SIN3A: variants seen among roughly 807,000 people sequenced by gnomAD.
SIN3A encodes SIN3 transcription regulator family member A.
SIN3A carries 14 observed loss-of-function variants against 146.1 expected under a neutral mutation model. The ratio of observed to expected loss-of-function variants is 0.10; its 90% CI spans 0.06 to 0.15. The LOEUF (loss-of-function observed/expected upper bound fraction) is 0.15, where lower values mean the gene tolerates loss of function less well. SIN3A is among the 10% of genes least tolerant of loss of function. The pLI is 1.00. For synonymous variants in SIN3A, 572 were observed against 572.0 expected (o/e 1.00, Z 0.00); for missense variants, 1,028 against 1,576.0 (o/e 0.65, Z 5.89).
At chr15:75,452,302 T>C (rs1345927846), upstream of SIN3A, among the ~76,000 whole-genome samples, 5 of 152,202 alleles carry the variant, frequency 3.3e-5, no homozygotes, top group African/African-American at 1.2e-4. Context: ...GCAGTCCTTT[T>C]GTGGAATGTT....
At chr15:75,420,089 T>A (rs1161217675) in intron 3 of SIN3A, 1 of 152,214 alleles carries the variant, frequency 6.6e-6, no homozygotes, top group Non-Finnish European at 1.5e-5. Flanking sequence ...CCTTAGACTC[T>A]GCTGATAAAG....
chr15:75,383,471 T>TG (rs1006433928), intron 17 of SIN3A, among the ~76,000 whole-genome samples: 6 of 151,802 alleles, frequency 4.0e-5, no homozygotes, highest in African/African-American at 1.5e-4. Flanking sequence ...TCACCCAGGC[T>TG]GGGGTGCAGT....
chr15:75,407,179 C>T (rs757823640), intron 8 of SIN3A, 35 bp from the exon 9 acceptor site: 18 of 1,415,250 alleles, frequency 1.3e-5, no homozygotes, highest in Admixed American at 5.3e-5. Context: ...TGAGATTCAA[C>T]GAGTGGTTTT....
intron 19 of SIN3A, among the ~76,000 whole-genome samples, chr15:75,376,792 G>A (rs923108229): frequency 5.3e-5 from 8 of 150,588 alleles, no homozygotes; most frequent in Non-Finnish European, 2.9e-5. Context: ...CCCAGAAGGC[G>A]GAGGTTGCAG....
intron 2 of SIN3A, among the ~76,000 whole-genome samples, chr15:75,429,738 A>G (rs1317165143): frequency 6.6e-6 from 1 of 152,210 alleles, no homozygotes; most frequent in African/African-American, 2.4e-5. Context: ...TTGACAAATA[A>G]ATTGAGTATA....
At chr15:75,450,553 C>T (rs7162587) in intron 1 of SIN3A, among the ~76,000 whole-genome samples, 3,007 of 152,334 alleles carry the variant, frequency 0.02, 178 homozygotes, top group Admixed American at 0.11. Context: ...TTGGGCACTT[C>T]GCCCCAATAG....
At chr15:75,383,289 A>G (rs1381664719) in intron 17 of SIN3A, among the ~76,000 whole-genome samples, 1 of 151,600 alleles carries the variant, frequency 6.6e-6, no homozygotes, top group Non-Finnish European at 1.5e-5. Context: ...AAAAAAAAAA[A>G]GTTAAAGACC....
In SIN3A at chr15:75,392,671, C is replaced by T; in HGVS notation, c.2422G>A (p.Asp808Asn). ...VKRQTGIQKE[D>N]KYKIKQIMHH... is the part of the protein sequence containing the mutation. ...ATGATTTGTTTTATCTTATATTTGT[C>T]CTCCTTCTGAATGCCTGTCTGCCTC... Residue 808 changes from aspartate (D) to asparagine (N), a missense_variant, in exon 15 of 21, where the codon GAC (aspartate) becomes AAC (asparagine). Physicochemically the swap from Asp to Asn is conservative, Grantham distance 23 (BLOSUM62 1). Transcript: ENST00000394947. 6.2e-7 allele frequency: 1 copy of T among 1,614,182 alleles called. No individual in the cohort carries two copies.
At chr15:75,386,783 G>C (rs1333460984) in intron 16 of SIN3A, among the ~76,000 whole-genome samples, 1 of 152,174 alleles carries the variant, frequency 6.6e-6, no homozygotes, top group Non-Finnish European at 1.5e-5. Context: ...GTTGCCTATT[G>C]TATTCTTAAT....
chr15:75,425,174 T>C (rs1304223990), intron 2 of SIN3A, among the ~76,000 whole-genome samples: 1 of 152,238 alleles, frequency 6.6e-6, no homozygotes, highest in Non-Finnish European at 1.5e-5. Context: ...ACTCTTACTT[T>C]GTTTCTTTTT....
upstream of SIN3A, chr15:75,453,957 G>A (rs1346738787): frequency 6.6e-6 from 1 of 152,288 alleles, no homozygotes; most frequent in African/African-American, 2.4e-5. Flanking sequence ...GGACTTCCGG[G>A]CGGGAGGGCA....
At chr15:75,401,298 C>A (rs1450490973) in intron 10 of SIN3A, among the ~76,000 whole-genome samples, 1 of 152,060 alleles carries the variant, frequency 6.6e-6, no homozygotes, top group Non-Finnish European at 1.5e-5. Context: ...GAGGCCGAGG[C>A]AGGTGGATTA....
intron 13 of SIN3A, 106 bp from the exon 14 acceptor site, chr15:75,394,969 T>C (rs188883137): frequency 4.8e-6 from 5 of 1,041,476 alleles, no homozygotes; most frequent in Admixed American, 2.5e-5. Flanking sequence ...AAAGCTATAT[T>C]AGGTCTCTCA....
Position 75,392,832 on chromosome 15 carries a change from A to G in SIN3A, c.2278-17T>C, listed in dbSNP as rs1418601386. The G allele has an allele frequency of 6.4e-7, 1 of 1,560,188 alleles. No individual in the cohort carries two copies. Among genetic ancestry groups the G allele is most frequent in the Non-Finnish European group, 8.7e-7 (1 of 1,143,064 alleles). On this transcript the variant is annotated splice_polypyrimidine_tract_variant and intron_variant, in intron 14 of 20. Transcript: ENST00000394947. ...CTCTTGCCTCTGATGGGACAGAGACACAAAAGTATTCTGTGAGATGTCTAC... is the reference window on the plus strand; with the variant it reads ...CTCTTGCCTCTGATGGGACAGAGACGCAAAAGTATTCTGTGAGATGTCTAC...
chr15:75,451,069 G>A (rs1179366636), intron 1 of SIN3A, among the ~76,000 whole-genome samples: 4 of 150,728 alleles, frequency 2.7e-5, no homozygotes, highest in Non-Finnish European at 4.4e-5. Flanking sequence ...CCAGCCCGAG[G>A]CCCCGCCCAC....
At chr15:75,422,980 A>G (rs1165638750) in intron 2 of SIN3A, among the ~76,000 whole-genome samples, 157 bp from the exon 3 acceptor site, 1 of 152,230 alleles carries the variant, frequency 6.6e-6, no homozygotes, top group Non-Finnish European at 1.5e-5. Context: ...ACATAGGAAG[A>G]TCGCCTGAAC....
At chr15:75,444,699 C>CA (rs2074274437) in intron 1 of SIN3A, among the ~76,000 whole-genome samples, 2 of 152,124 alleles carry the variant, frequency 1.3e-5, no homozygotes, top group African/African-American at 4.8e-5. Flanking sequence ...ACTTCGGTGA[C>CA]ACTGATGTTA....
chr15:75,374,665 C>G (rs1330132635), intron 20 of SIN3A, among the ~76,000 whole-genome samples: 2 of 152,210 alleles, frequency 1.3e-5, no homozygotes, highest in African/African-American at 4.8e-5. Flanking sequence ...CCTTGAGCCA[C>G]AATGGTGTTT....
chr15:75,396,927 T>C (rs2073315919), intron 12 of SIN3A, among the ~76,000 whole-genome samples: 1 of 152,176 alleles, frequency 6.6e-6, no homozygotes, highest in South Asian at 2.1e-4. Flanking sequence ...GAACAAACAA[T>C]AACAATCAAA....
Sources: allele counts gnomAD v4.1 joint callset (sites outside exome capture counted in the v4.1 genomes callset), GRCh38; gene constraint gnomAD v4.1.1; transcripts MANE v1.5; gene names NCBI Gene and HGNC (gene_info 2026-07-23, HGNC 2026-07-21).